STK10: variants seen among roughly 807,000 people sequenced by gnomAD.
The protein encoded by STK10 is serine/threonine-protein kinase 10.
In STK10, 78 loss-of-function variants were observed where a neutral mutation model predicts 113.8. That is an observed-to-expected ratio of 0.69 (90% CI 0.57 to 0.83). STK10 has a LOEUF of 0.83. Among genes scored for constraint, STK10 ranks in the 40% least tolerant of loss-of-function variants. The pLI, the probability that STK10 is intolerant of heterozygous loss-of-function variation, is 0.00. For missense variants in STK10, 1,109 were observed against 1,280.1 expected (o/e 0.87, Z 2.04); for synonymous variants, 465 against 494.7 (o/e 0.94, Z 0.80).
At chr5:172,114,166 C>CA (rs955654529) in intron 4 of STK10, among the ~76,000 whole-genome samples, 21 of 151,620 alleles carry the variant, frequency 1.4e-4, no homozygotes, top group Non-Finnish European at 2.5e-4. Flanking sequence ...TTTCTGCAGA[C>CA]AAAAAAAGAC....
At chr5:172,069,672 T>C (rs1221562993) in intron 12 of STK10, among the ~76,000 whole-genome samples, 1 of 152,170 alleles carries the variant, frequency 6.6e-6, no homozygotes, top group Admixed American at 6.5e-5. Flanking sequence ...AAACAAAAGC[T>C]GACAGAACTG....
chr5:172,188,015 G>C lies in STK10; in HGVS notation c.28C>G (p.Leu10Val). MAFANFRRI[L>V]RLSTFEKRKS... ...CTCTTCTCGAAGGTAGACAGGCGCA[G>C]GATGCGGCGGAAATTGGCAAAAGCC... Residue 10 changes from leucine to valine, a missense_variant, in exon 1 of 19, where the codon CTG (leucine) becomes GTG (valine). Leu to Val is a conservative substitution (Grantham distance 32). Coordinates refer to ENST00000176763, the MANE Select transcript of STK10 (RefSeq NM_005990.4). The surrounding 1 kb of genome is among the most constrained non-coding windows in gnomAD (Gnocchi z 5.6). 4.3e-6 allele frequency: 7 copies of C among 1,613,116 alleles called. No individual in the cohort carries two copies. The highest frequency in any genetic ancestry group is 5.9e-6 in the Non-Finnish European group (7 of 1,179,712).
At chr5:172,067,905 G>T (rs1157230198) in intron 12 of STK10, among the ~76,000 whole-genome samples, 1 of 152,064 alleles carries the variant, frequency 6.6e-6, no homozygotes, top group Non-Finnish European at 1.5e-5. Context: ...AATAAAACTT[G>T]AAAACCAAAC....
chr5:172,108,703 T>C (rs948406895), intron 4 of STK10, among the ~76,000 whole-genome samples: 4 of 151,842 alleles, frequency 2.6e-5, no homozygotes, highest in African/African-American at 9.7e-5. Flanking sequence ...GAGAATCACT[T>C]GAACCCAGGA....
At chr5:172,165,613 G>C (rs1056544795) in intron 1 of STK10, among the ~76,000 whole-genome samples, 1 of 116,456 alleles carries the variant, frequency 8.6e-6, no homozygotes, top group Non-Finnish European at 1.7e-5. Context: ...GATTCATAGC[G>C]GGTTGACCTC....
Position 172,055,551 on chromosome 5 carries a change from C to T in STK10, c.2526+37G>A, listed in dbSNP as rs753727422. 5 of 1,411,850 alleles carry T rather than the reference C, an allele frequency of 3.5e-6. No individual in the cohort carries two copies. The South Asian group carries it at 8.2e-5, about 23-fold the overall frequency. 87.5% of individuals were successfully genotyped at this position (1,411,850 alleles called of 1,614,324 possible). A position where few individuals can be genotyped will look rare whatever the true frequency, so the allele number is the denominator to read the frequency against. On this transcript the variant is annotated intron_variant, in intron 16 of 18. Coordinates refer to ENST00000176763, the MANE Select transcript of STK10 (RefSeq NM_005990.4). ...CGCCAAACCTGGCCCTGCCTACACC[C>T]CAGCACACTTGCAGACCCCGCAGGC...
chr5:172,058,770 A>G (rs1262799603), intron 14 of STK10, among the ~76,000 whole-genome samples: 2 of 152,108 alleles, frequency 1.3e-5, no homozygotes, highest in East Asian at 3.9e-4. Context: ...TGCACCTGTA[A>G]TCACAGCTGC....
chr5:172,115,534 T>G (rs917937134), intron 4 of STK10, among the ~76,000 whole-genome samples: 8 of 152,162 alleles, frequency 5.3e-5, no homozygotes, highest in Admixed American at 1.3e-4. Flanking sequence ...CCAGCTGTAT[T>G]TCTTCTCCAA....
chr5:172,096,325 T>G lies in STK10; in HGVS notation c.1005+101A>C. ...ACCTCTGAGCTGGCAATAAATTGCC[T>G]GAGCCAGAGTCCTGGCCTTCCCTGC... On this transcript the variant is annotated intron_variant, in intron 8 of 18. Transcript: ENST00000176763. The G allele has an allele frequency of 1.9e-6, 3 of 1,541,194 alleles. No homozygotes were observed. The South Asian group carries it at 3.6e-5, about 18-fold the overall frequency.
intron 1 of STK10, among the ~76,000 whole-genome samples, chr5:172,180,965 G>T (rs1011039934): frequency 6.6e-6 from 1 of 152,318 alleles, no homozygotes; most frequent in Admixed American, 6.5e-5. Context: ...GTCGTATTTG[G>T]TTACATATAG....
chr5:172,114,797 T>C (rs2113775123), intron 4 of STK10: 1 of 152,176 alleles, frequency 6.6e-6, no homozygotes, highest in Non-Finnish European at 1.5e-5. Flanking sequence ...ATTTTTATTT[T>C]CTTCCGTTTT....
chr5:172,085,448 G>A (rs139083101), intron 10 of STK10, among the ~76,000 whole-genome samples: 1 of 151,960 alleles, frequency 6.6e-6, no homozygotes, highest in Non-Finnish European at 1.5e-5. Flanking sequence ...CAGCACTTTG[G>A]GGGGCTGAGG....
At chr5:172,150,790 T>A (rs936271141) in intron 2 of STK10, among the ~76,000 whole-genome samples, 1 of 152,198 alleles carries the variant, frequency 6.6e-6, no homozygotes, top group African/African-American at 2.4e-5. Context: ...GGACCAGTAC[T>A]TCCTCTTTAC....
chr5:172,043,552 T>C lies in STK10; in HGVS notation c.*1330A>G, dbSNP rs997667621. The C allele has an allele frequency of 6.6e-6, 1 of 152,236 alleles. No homozygotes were observed. Among genetic ancestry groups the C allele is most frequent in the Admixed American group, 6.5e-5 (1 of 15,282 alleles). 9.4% of individuals were successfully genotyped at this position (152,236 alleles called of 1,614,324 possible). A position where few individuals can be genotyped will look rare whatever the true frequency, so the allele number is the denominator to read the frequency against. ...CTTCCTGGAGAAACCATACATTTTATAGTTGTTTCAATAAAATAATTAGAA... is the reference window on the plus strand; with the variant it reads ...CTTCCTGGAGAAACCATACATTTTACAGTTGTTTCAATAAAATAATTAGAA... On this transcript the variant is annotated 3_prime_UTR_variant, in exon 19 of 19. Transcript: ENST00000176763.
At chr5:172,132,248 C>T (rs1424065397) in intron 2 of STK10, among the ~76,000 whole-genome samples, 1 of 152,148 alleles carries the variant, frequency 6.6e-6, no homozygotes, top group Non-Finnish European at 1.5e-5. Flanking sequence ...AGGAGGATTA[C>T]AGGTAGTTTG....
At chr5:172,157,531 G>A (rs1456277658) in intron 1 of STK10, among the ~76,000 whole-genome samples, 3 of 152,196 alleles carry the variant, frequency 2.0e-5, no homozygotes, top group Non-Finnish European at 1.5e-5. Flanking sequence ...ACTCCAGCCT[G>A]GGTGACAGAG....
chr5:172,111,079 G>C (rs1014100182), intron 4 of STK10, among the ~76,000 whole-genome samples: 2 of 152,154 alleles, frequency 1.3e-5, no homozygotes, highest in African/African-American at 4.8e-5. Context: ...CTGCAAGTGA[G>C]GTGCAGAAGC....
intron 2 of STK10, among the ~76,000 whole-genome samples, chr5:172,153,515 G>A (rs10080221): frequency 0.4 from 60,552 of 152,002 alleles, 12,855 homozygotes; most frequent in African/African-American, 0.55. Flanking sequence ...ACATGGGGTG[G>A]TGTGGTGAAT....
At chr5:172,146,091 C>T (rs541874430) in intron 2 of STK10, among the ~76,000 whole-genome samples, 13 of 152,300 alleles carry the variant, frequency 8.5e-5, no homozygotes, top group Non-Finnish European at 1.6e-4. Flanking sequence ...ACATACTATA[C>T]GCCTTACTTT....
Sources: allele counts gnomAD v4.1 joint callset (sites outside exome capture counted in the v4.1 genomes callset), GRCh38; gene constraint gnomAD v4.1.1; non-coding constraint Gnocchi (gnomAD v3.1); transcripts MANE v1.5; gene names NCBI Gene and HGNC (gene_info 2026-07-23, HGNC 2026-07-21).